MAF: variants seen among roughly 807,000 people sequenced by gnomAD.
MAF encodes MAF bZIP transcription factor.
In MAF, 10 loss-of-function variants were observed where a neutral mutation model predicts 22.0. The observed-to-expected ratio is 0.45, with a 90% CI of 0.28 to 0.77. The LOEUF is 0.77. MAF is among the 30% of genes least tolerant of loss of function. The pLI is 0.12. For synonymous variants in MAF, 337 were observed against 255.8 expected (o/e 1.32, Z -3.03); for missense variants, 544 against 548.4 (o/e 0.99, Z 0.08).
chr16:79,277,920 A>G, the MAF span, among the ~76,000 whole-genome samples: 18 of 152,226 alleles, frequency 1.2e-4, no homozygotes, highest in Non-Finnish European at 2.2e-4. Context: ...ATTGGCTGGG[A>G]GTTGACTGGG....
the MAF span, among the ~76,000 whole-genome samples, chr16:79,510,956 T>C: frequency 6.6e-6 from 1 of 152,212 alleles, no homozygotes; most frequent in Non-Finnish European, 1.5e-5. Context: ...TCAGCACTGG[T>C]TGCAGAAAAG....
chr16:79,562,991 G>T, the MAF span, among the ~76,000 whole-genome samples: 1 of 152,184 alleles, frequency 6.6e-6, no homozygotes, highest in Non-Finnish European at 1.5e-5. Flanking sequence ...CTGGTCAGCA[G>T]GTTCATTTGT....
chr16:79,399,367 A>T, the MAF span, among the ~76,000 whole-genome samples: 227 of 152,314 alleles, frequency 1.5e-3, 1 homozygote, highest in Non-Finnish European at 2.4e-3. Context: ...TCTTGAAAGG[A>T]GGGAGCACTG....
At chr16:79,559,584 C>T in the MAF span, among the ~76,000 whole-genome samples, 2 of 152,052 alleles carry the variant, frequency 1.3e-5, no homozygotes, top group African/African-American at 4.8e-5. Flanking sequence ...TGACTTGTCA[C>T]TGCAGACAAA....
the MAF span, among the ~76,000 whole-genome samples, chr16:79,250,565 T>G: frequency 6.6e-6 from 1 of 152,154 alleles, no homozygotes; most frequent in African/African-American, 2.4e-5. Context: ...TAAGAATCAG[T>G]CCTTGTTCTG....
the MAF span, among the ~76,000 whole-genome samples, chr16:79,293,348 C>G: frequency 6.6e-6 from 1 of 152,160 alleles, no homozygotes; most frequent in African/African-American, 2.4e-5. Flanking sequence ...AAAGCCAGTT[C>G]TACAAACATT....
At chr16:79,221,252 A>T in the MAF span, among the ~76,000 whole-genome samples, 1 of 152,156 alleles carries the variant, frequency 6.6e-6, no homozygotes, top group Non-Finnish European at 1.5e-5. Flanking sequence ...CTTTATGATG[A>T]AGTACTTGGC....
chr16:79,322,923 A>G, the MAF span, among the ~76,000 whole-genome samples: 10,091 of 151,712 alleles, frequency 0.067, 419 homozygotes, highest in African/African-American at 0.12. Flanking sequence ...GGCCGAGGTG[A>G]ACAGATCATG....
chr16:79,211,363 C>T, the MAF span, among the ~76,000 whole-genome samples: 1 of 152,080 alleles, frequency 6.6e-6, no homozygotes, highest in Non-Finnish European at 1.5e-5. Flanking sequence ...CAAGCCTGTC[C>T]CTGTATGAGG....
the MAF span, among the ~76,000 whole-genome samples, chr16:79,428,849 A>AATAAT: frequency 6.8e-6 from 1 of 146,596 alleles, no homozygotes; most frequent in South Asian, 2.3e-4. Context: ...TGTCTCAGAA[A>AATAAT]AATAATAATA....
chr16:79,468,589 C>G, the MAF span, among the ~76,000 whole-genome samples: 4 of 152,226 alleles, frequency 2.6e-5, no homozygotes, highest in African/African-American at 9.6e-5. Flanking sequence ...TCAGGGCAAA[C>G]CTGGCCTTAA....
At chr16:79,273,838 T>C in the MAF span, among the ~76,000 whole-genome samples, 3 of 152,310 alleles carry the variant, frequency 2.0e-5, no homozygotes, top group East Asian at 1.9e-4. Flanking sequence ...TAATATAGCA[T>C]ATTCACAGGT....
the MAF span, among the ~76,000 whole-genome samples, chr16:79,236,526 T>C: frequency 3.3e-5 from 5 of 152,178 alleles, no homozygotes; most frequent in African/African-American, 1.2e-4. Flanking sequence ...GTTTCTCTCA[T>C]TCATCCATGA....
At chr16:79,374,721 G>A in the MAF span, among the ~76,000 whole-genome samples, 3 of 152,194 alleles carry the variant, frequency 2.0e-5, no homozygotes, top group Non-Finnish European at 4.4e-5. Flanking sequence ...ATAGAGAAAT[G>A]AGCAAGCTGA....
the MAF span, among the ~76,000 whole-genome samples, chr16:79,300,348 A>G: frequency 6.6e-6 from 1 of 152,162 alleles, no homozygotes; most frequent in Non-Finnish European, 1.5e-5. Context: ...CCAGGTCAGG[A>G]GTTCGAGACC....
chr16:79,456,906 G>A, the MAF span, among the ~76,000 whole-genome samples: 2 of 151,440 alleles, frequency 1.3e-5, no homozygotes, highest in Non-Finnish European at 2.9e-5. Flanking sequence ...AAATACATTT[G>A]TTTATTTCTT....
At chr16:79,538,872 AAAGAAAGAAAG>A in the MAF span, among the ~76,000 whole-genome samples, 3 of 19,548 alleles carry the variant, frequency 1.5e-4, no homozygotes, top group African/African-American at 4.4e-4. Flanking sequence ...AAAGAAAAGA[AAAGAAAGAAAG>A]AAAGAAAGAA....
the MAF span, among the ~76,000 whole-genome samples, chr16:79,305,731 G>A: frequency 1.3e-5 from 2 of 152,206 alleles, no homozygotes; most frequent in African/African-American, 2.4e-5. Context: ...GACGCTGGAA[G>A]ATTTAAGCAG....
At chr16:79,389,525 G>A in the MAF span, among the ~76,000 whole-genome samples, 5 of 152,140 alleles carry the variant, frequency 3.3e-5, no homozygotes, top group Admixed American at 6.5e-5. Context: ...GCCTCCCAAA[G>A]TTTTGGGATT....
Sources: gnomAD v4.1 joint callset for allele counts (sites outside exome capture counted in the v4.1 genomes callset) on GRCh38, gnomAD v4.1.1 for gene constraint, MANE v1.5 for transcripts, NCBI Gene and HGNC (gene_info 2026-07-23, HGNC 2026-07-21) for gene names.